The following ARK2N variants were observed in gnomAD, a reference collection of about 807,000 sequenced individuals.
ARK2N encodes the protein protein ARK2N.
the ARK2N span, among the ~76,000 whole-genome samples, chr18:46,231,269 TGG>T: frequency 2.0e-5 from 3 of 152,334 alleles, no homozygotes; most frequent in Middle Eastern, 0.01. Flanking sequence ...TTTGTTTGTA[TGG>T]ATTTTTACTA....
chr18:46,190,153 A>G, the ARK2N span, among the ~76,000 whole-genome samples: 2 of 152,194 alleles, frequency 1.3e-5, no homozygotes, highest in East Asian at 3.9e-4. Context: ...TGTTCTGAAA[A>G]CCTAAATAGA....
chr18:46,254,465 A>G, the ARK2N span, among the ~76,000 whole-genome samples: 1 of 152,354 alleles, frequency 6.6e-6, no homozygotes, highest in Admixed American at 6.5e-5. Context: ...ACTGTGGCCC[A>G]TAGGCCAATT....
At chr18:46,192,865 GC>G in the ARK2N span, among the ~76,000 whole-genome samples, 4 of 140,348 alleles carry the variant, frequency 2.9e-5, no homozygotes, top group Non-Finnish European at 6.1e-5. Flanking sequence ...GAGCCGCTAC[GC>G]CCGGCTGAGA....
chr18:46,186,236 G>A, the ARK2N span, among the ~76,000 whole-genome samples: 2 of 149,882 alleles, frequency 1.3e-5, no homozygotes, highest in African/African-American at 2.5e-5. Flanking sequence ...TTGCTCTGTC[G>A]CCAGGCTGGA....
At chr18:46,207,890 C>T in the ARK2N span, among the ~76,000 whole-genome samples, 2 of 152,200 alleles carry the variant, frequency 1.3e-5, no homozygotes, top group Admixed American at 1.3e-4. Flanking sequence ...ATGTCCATTC[C>T]ATTGGCCTAC....
the ARK2N span, among the ~76,000 whole-genome samples, chr18:46,182,867 A>G: frequency 3.3e-5 from 5 of 152,060 alleles, no homozygotes; most frequent in African/African-American, 1.2e-4. Flanking sequence ...GTGGAGAAAA[A>G]GTTGGCTGGC....
At chr18:46,210,119 A>G in the ARK2N span, among the ~76,000 whole-genome samples, 1 of 152,212 alleles carries the variant, frequency 6.6e-6, no homozygotes, top group Non-Finnish European at 1.5e-5. Context: ...TCTGCCTGCT[A>G]TGTAGAGAAC....
chr18:46,192,364 G>T, the ARK2N span, among the ~76,000 whole-genome samples: 2 of 151,990 alleles, frequency 1.3e-5, no homozygotes, highest in African/African-American at 2.4e-5. Context: ...ACAAGGTCAG[G>T]AGTTCGAGAC....
At chr18:46,194,622 T>C in the ARK2N span, among the ~76,000 whole-genome samples, 1 of 150,252 alleles carries the variant, frequency 6.7e-6, no homozygotes, top group Non-Finnish European at 1.5e-5. Context: ...TACAGGCGTG[T>C]GCCACCATGC....
At chr18:46,244,688 G>C in the ARK2N span, among the ~76,000 whole-genome samples, 13 of 139,132 alleles carry the variant, frequency 9.3e-5, no homozygotes, top group African/African-American at 3.5e-4. Context: ...TGCAACCTCT[G>C]CCTCCCGGGT....
the ARK2N span, among the ~76,000 whole-genome samples, chr18:46,261,236 A>G: frequency 2.6e-5 from 4 of 152,352 alleles, no homozygotes; most frequent in South Asian, 8.3e-4. Context: ...TAATACACAC[A>G]TCTGTAAAGC....
the ARK2N span, chr18:46,253,670 G>A: frequency 6.3e-7 from 1 of 1,599,536 alleles, no homozygotes; most frequent in East Asian, 2.2e-5. Context: ...TATAGTGCTT[G>A]TTTTTTTTCC....
chr18:46,234,546 T>C, the ARK2N span, among the ~76,000 whole-genome samples: 4 of 149,050 alleles, frequency 2.7e-5, no homozygotes, highest in South Asian at 8.3e-4. Flanking sequence ...TGATGTGTAA[T>C]AAAACTGCTT....
At chr18:46,253,785 T>G in the ARK2N span, 1 of 1,613,480 alleles carries the variant, frequency 6.2e-7, no homozygotes. Flanking sequence ...CGTCTTCAGA[T>G]AGTGAAGTAG....
chr18:46,205,256 G>T, the ARK2N span, among the ~76,000 whole-genome samples: 70 of 152,280 alleles, frequency 4.6e-4, no homozygotes, highest in African/African-American at 1.6e-3. Context: ...TGATGTTAAA[G>T]GATGGTTAAT....
the ARK2N span, chr18:46,264,355 A>G: frequency 1.3e-5 from 2 of 152,662 alleles, no homozygotes; most frequent in Non-Finnish European, 2.9e-5. Flanking sequence ...TTTAAAAGCA[A>G]TACCTAGAGT....
the ARK2N span, among the ~76,000 whole-genome samples, chr18:46,236,320 G>A: frequency 6.6e-6 from 1 of 152,168 alleles, no homozygotes; most frequent in Non-Finnish European, 1.5e-5. Flanking sequence ...GCCATTCGTG[G>A]GTTTTTGACC....
the ARK2N span, among the ~76,000 whole-genome samples, chr18:46,192,262 G>C: frequency 1.3e-5 from 2 of 152,238 alleles, no homozygotes; most frequent in South Asian, 2.1e-4. Flanking sequence ...ATTTGCTGTA[G>C]AGCAGAGAGT....
At chr18:46,210,282 A>G in the ARK2N span, among the ~76,000 whole-genome samples, 2 of 152,314 alleles carry the variant, frequency 1.3e-5, no homozygotes, top group South Asian at 2.1e-4. Flanking sequence ...GGTGGGATTG[A>G]TAGGAGTTAG....
Sources: gnomAD v4.1 joint callset for allele counts (sites outside exome capture counted in the v4.1 genomes callset) on GRCh38, gnomAD v4.1.1 for gene constraint, MANE v1.5 for transcripts, NCBI Gene and HGNC (gene_info 2026-07-23, HGNC 2026-07-21) for gene names.